Variants in ERBB4 observed in about 807,000 individuals in gnomAD.
ERBB4 encodes erb-b2 receptor tyrosine kinase 4.
ERBB4 carries 42 observed loss-of-function variants against 158.0 expected under a neutral mutation model. The observed-to-expected ratio is 0.27, with a 90% CI of 0.21 to 0.34. The LOEUF is 0.34. ERBB4 is among the 10% of genes least tolerant of loss of function. The pLI is 1.00. For synonymous variants in ERBB4, 583 were observed against 558.7 expected (o/e 1.04, Z -0.61); for missense variants, 1,333 against 1,624.1 (o/e 0.82, Z 3.08).
intron 3 of ERBB4, among the ~76,000 whole-genome samples, chr2:211,881,607 G>A (rs1250077827): frequency 7.2e-6 from 1 of 139,088 alleles, no homozygotes; most frequent in African/African-American, 2.6e-5. Flanking sequence ...GGGGTCGGGG[G>A]GGCTGAGATT....
intron 4 of ERBB4, among the ~76,000 whole-genome samples, chr2:211,784,233 T>C (rs2076104230): frequency 6.6e-6 from 1 of 152,230 alleles, no homozygotes; most frequent in Non-Finnish European, 1.5e-5. Context: ...GCAACTTGAC[T>C]CGTTAAAGAG....
At chr2:211,842,405 T>G (rs2077491028) in intron 3 of ERBB4, among the ~76,000 whole-genome samples, 1 of 143,308 alleles carries the variant, frequency 7.0e-6, no homozygotes, top group African/African-American at 2.5e-5. Flanking sequence ...TAACAATTCA[T>G]TCAAACTTGA....
chr2:211,839,205 A>AAG (rs60603782), intron 3 of ERBB4, among the ~76,000 whole-genome samples: 9 of 145,954 alleles, frequency 6.2e-5, no homozygotes, highest in South Asian at 2.2e-4. Context: ...GAAAGAAAGA[A>AAG]AGAGAGAGAG....
At chr2:212,076,197 G>A (rs1279235098) in intron 2 of ERBB4, among the ~76,000 whole-genome samples, 1 of 151,672 alleles carries the variant, frequency 6.6e-6, no homozygotes, top group Non-Finnish European at 1.5e-5. Context: ...TCAAATCATA[G>A]TTCACATTTG....
chr2:211,892,790 T>C (rs2079002321), intron 3 of ERBB4, among the ~76,000 whole-genome samples: 2 of 143,772 alleles, frequency 1.4e-5, no homozygotes, highest in African/African-American at 5.5e-5. Flanking sequence ...AGCCAAATCA[T>C]GAGTGAACTC....
At chr2:212,246,693 C>T (rs1190095455) in intron 1 of ERBB4, among the ~76,000 whole-genome samples, 1 of 152,084 alleles carries the variant, frequency 6.6e-6, no homozygotes, top group East Asian at 1.9e-4. Flanking sequence ...TATTCCAGCT[C>T]TGTCTTGAAG....
chr2:211,781,995 G>A (rs142893621), intron 4 of ERBB4, among the ~76,000 whole-genome samples: 10 of 152,166 alleles, frequency 6.6e-5, no homozygotes, highest in African/African-American at 9.6e-5. Flanking sequence ...CTCCCATCCT[G>A]GCCCAGGTAC....
chr2:212,287,481 T>G (rs998137131), intron 1 of ERBB4, among the ~76,000 whole-genome samples: 1 of 152,178 alleles, frequency 6.6e-6, no homozygotes, highest in Non-Finnish European at 1.5e-5. Flanking sequence ...TTTTTTATGT[T>G]TTAAAATGAA....
chr2:211,427,378 A>C (rs756355955), intron 22 of ERBB4, among the ~76,000 whole-genome samples: 31 of 152,120 alleles, frequency 2.0e-4, no homozygotes, highest in Non-Finnish European at 3.2e-4. Context: ...GATATATTTA[A>C]ACTTAGAAAC....
chr2:211,783,565 T>C (rs559342326), intron 4 of ERBB4, among the ~76,000 whole-genome samples: 1 of 152,236 alleles, frequency 6.6e-6, no homozygotes, highest in Admixed American at 6.5e-5. Context: ...TTATTGAGAG[T>C]TTTTAGTATG....
chr2:211,880,326 T>A (rs576781171), intron 3 of ERBB4, among the ~76,000 whole-genome samples: 3 of 152,284 alleles, frequency 2.0e-5, no homozygotes, highest in African/African-American at 7.2e-5. Flanking sequence ...TACCACTATG[T>A]GGTACGCATT....
At chr2:211,470,486 T>C (rs561855899) in intron 20 of ERBB4, among the ~76,000 whole-genome samples, 1 of 152,148 alleles carries the variant, frequency 6.6e-6, no homozygotes, top group Non-Finnish European at 1.5e-5. Flanking sequence ...TTTGGCTGAA[T>C]GTAGAAAAAA....
chr2:212,449,035 A>T lies in ERBB4; in HGVS notation c.82+89414T>A, dbSNP rs2092406905. ...TCATATTTCTATTCAGTCTAAGCAC[A>T]GATTGTATGTGTGTGTGTTTTGTTG... is the stretch of plus-strand genomic sequence containing the variant. On this transcript the variant is annotated intron_variant, in intron 1 of 27. Transcript: ENST00000342788. 2.0e-5 allele frequency among the ~76,000 whole-genome samples: 3 copies of T among 152,116 alleles called. No homozygotes were observed. In the South Asian group the frequency reaches 6.2e-4, roughly 32 times the overall value.
chr2:212,156,516 C>T (rs1430993691), intron 1 of ERBB4, among the ~76,000 whole-genome samples: 1 of 152,064 alleles, frequency 6.6e-6, no homozygotes, highest in Non-Finnish European at 1.5e-5. Context: ...CCCAACCAAG[C>T]CTATAATTGT....
intron 20 of ERBB4, among the ~76,000 whole-genome samples, chr2:211,538,182 C>T (rs1055180953): frequency 6.9e-6 from 1 of 144,948 alleles, no homozygotes; most frequent in Non-Finnish European, 1.5e-5. Context: ...CACTGAAGAT[C>T]ATCTAGTACT....
chr2:211,394,331 A>G (rs1294379149), intron 25 of ERBB4, among the ~76,000 whole-genome samples: 1 of 152,182 alleles, frequency 6.6e-6, no homozygotes, highest in Non-Finnish European at 1.5e-5. Context: ...ATCACACAGA[A>G]TTGATCTCTT....
rs546183081 is a variant in ERBB4, at chr2:211,392,480, ATATAT to A, written c.3136-4493_3136-4489del. On this transcript the variant is annotated intron_variant, in intron 25 of 27. Coordinates refer to ENST00000342788, the MANE Select transcript of ERBB4 (RefSeq NM_005235.3). The stretch of plus-strand genomic sequence containing the variant: ...ATGTCTTTTGTCTATTTATGTATAC[ATATAT>A]TTATTTATTTAGTCATTTTTCTATT... Among the ~76,000 whole-genome samples the A allele has an allele frequency of 7.2e-5, 11 of 151,970 alleles. No homozygotes were observed. In the South Asian group the frequency reaches 2.1e-3, roughly 29 times the overall value.
intron 1 of ERBB4, among the ~76,000 whole-genome samples, chr2:212,344,301 C>G (rs1303294682): frequency 1.3e-5 from 2 of 152,128 alleles, no homozygotes; most frequent in Non-Finnish European, 2.9e-5. Context: ...AGACTCCTGG[C>G]TGGCATACCA....
At chr2:212,137,171 TC>T (rs1181246259) in intron 1 of ERBB4, among the ~76,000 whole-genome samples, 2 of 152,194 alleles carry the variant, frequency 1.3e-5, no homozygotes, top group African/African-American at 4.8e-5. Context: ...CAATCAACTT[TC>T]CTTTTTTTAA....
Sources: gnomAD v4.1 joint callset for allele counts (sites outside exome capture counted in the v4.1 genomes callset) on GRCh38, gnomAD v4.1.1 for gene constraint, MANE v1.5 for transcripts, NCBI Gene and HGNC (gene_info 2026-07-23, HGNC 2026-07-21) for gene names.